STK33: variants seen among roughly 807,000 people sequenced by gnomAD.
The protein encoded by STK33 is serine/threonine kinase 33.
In STK33, 52 loss-of-function variants were observed where a neutral mutation model predicts 58.0. That is an observed-to-expected ratio of 0.90 (90% confidence interval 0.72 to 1.13). The LOEUF (loss-of-function observed/expected upper bound fraction) is 1.13. Among genes scored for constraint, STK33 ranks in the 50% most tolerant of loss-of-function variants. STK33 has a pLI of 0.00. For synonymous variants in STK33, 215 were observed against 200.1 expected, an observed-to-expected ratio of 1.07 and a Z score of -0.63; for missense variants, 630 against 604.2, an observed-to-expected ratio of 1.04 and a Z score of -0.45.
chr11:8,499,934 A>C (rs755667585), intron 1 of STK33, among the ~76,000 whole-genome samples: 1 of 151,458 alleles, frequency 6.6e-6, no homozygotes, highest in Non-Finnish European at 1.5e-5. Context: ...GTGGGGGGCT[A>C]GGGGAGGGAT....
intron 1 of STK33, among the ~76,000 whole-genome samples, chr11:8,556,437 C>G (rs1049165214): frequency 1.3e-5 from 2 of 152,164 alleles, no homozygotes. Flanking sequence ...CTGTCTTGCT[C>G]ATAGACTAGT....
At chr11:8,591,836 G>T (rs992413267) in intron 1 of STK33, among the ~76,000 whole-genome samples, 3 of 151,456 alleles carry the variant, frequency 2.0e-5, no homozygotes, top group Non-Finnish European at 2.9e-5. Context: ...GGACTGTTGT[G>T]GGGTGGGGGG....
At chr11:8,525,894 A>G (rs754187023) in intron 1 of STK33, among the ~76,000 whole-genome samples, 48 of 152,152 alleles carry the variant, frequency 3.2e-4, no homozygotes, top group Admixed American at 2.0e-3. Flanking sequence ...GAAATAAAAA[A>G]CTGCAAGGGG....
chr11:8,472,156 T>C (rs902603152), intron 6 of STK33, among the ~76,000 whole-genome samples: 1 of 152,176 alleles, frequency 6.6e-6, no homozygotes, highest in African/African-American at 2.4e-5. Context: ...CTCAAACTCT[T>C]GGCCTCAAGT....
chr11:8,373,275 G>A, the STK33 span, among the ~76,000 whole-genome samples: 1 of 152,204 alleles, frequency 6.6e-6, no homozygotes, highest in African/African-American at 2.4e-5. Context: ...GAGTCACAAG[G>A]CCAGCCCAGA....
At chr11:8,560,198 T>C (rs1057213286) in intron 1 of STK33, among the ~76,000 whole-genome samples, 2 of 152,164 alleles carry the variant, frequency 1.3e-5, no homozygotes, top group Non-Finnish European at 2.9e-5. Flanking sequence ...GCATTTATTA[T>C]TTTGATAAAT....
chr11:8,579,464 CAAT>C (rs1174265864), intron 1 of STK33, among the ~76,000 whole-genome samples: 2 of 151,778 alleles, frequency 1.3e-5, no homozygotes, highest in East Asian at 3.9e-4. Context: ...TTTTTTTCAA[CAAT>C]GATGAGGGAA....
chr11:8,496,578 ATT>A (rs796992204), intron 1 of STK33, among the ~76,000 whole-genome samples: 4 of 142,786 alleles, frequency 2.8e-5, no homozygotes, highest in Non-Finnish European at 3.1e-5. Context: ...GTGATATTTC[ATT>A]TTTTTTTTTT....
intron 15 of STK33, among the ~76,000 whole-genome samples, chr11:8,401,530 T>C (rs553744551): frequency 1.4e-4 from 21 of 152,224 alleles, no homozygotes; most frequent in African/African-American, 4.8e-4. Context: ...GAAGAAAACC[T>C]AGGCAATACC....
At chr11:8,397,603 C>G (rs938689865) in intron 15 of STK33, among the ~76,000 whole-genome samples, 1 of 152,154 alleles carries the variant, frequency 6.6e-6, no homozygotes, top group Admixed American at 6.5e-5. Context: ...CAGAACAAAG[C>G]TGGACGGAGA....
chr11:8,428,034 T>C (rs889505199), intron 14 of STK33, among the ~76,000 whole-genome samples: 2 of 152,126 alleles, frequency 1.3e-5, no homozygotes, highest in Non-Finnish European at 2.9e-5. Flanking sequence ...GGAAGAACCT[T>C]AGACACCAAA....
intron 14 of STK33, among the ~76,000 whole-genome samples, chr11:8,430,728 T>A (rs547989234): frequency 1.2e-4 from 18 of 152,280 alleles, no homozygotes; most frequent in African/African-American, 4.3e-4. Context: ...GCAGGGACCA[T>A]GCCAGACTGA....
rs201658119 is a variant in STK33, at chr11:8,457,414, C to A, written c.624G>T (p.Gly208=). The A allele has an allele frequency of 3.1e-6, 5 of 1,607,726 alleles. No homozygotes were observed. Among genetic ancestry groups the A allele is most frequent in the Non-Finnish European group, 4.3e-6 (5 of 1,175,708 alleles). The stretch of plus-strand genomic sequence containing the variant: ...ACCTTGTCTCATTCTCTGAGAAATG[C>A]CCTTTCCTATCCAGAATTTCTTTGA... ...GELKEILDRK[G]HFSENETRWI... Residue 208 remains glycine, a synonymous_variant, in exon 9 of 16, where the codon GGG becomes GGT. Transcript: ENST00000687296.
the STK33 span, among the ~76,000 whole-genome samples, chr11:8,337,508 T>C: frequency 5.9e-5 from 9 of 152,048 alleles, no homozygotes; most frequent in Non-Finnish European, 1.3e-4. Context: ...CAACCCTGCC[T>C]GAGAGCCAGC....
rs116520683 is a variant in STK33 at position 8,556,693 on chromosome 11, A to G, written c.-466+37390T>C. Among the ~76,000 whole-genome samples the G allele has an allele frequency of 6.3e-3, 952 of 152,284 alleles. 10 individuals are homozygous for G. Among genetic ancestry groups the G allele is most frequent in the African/African-American group, 0.022 (903 of 41,560 alleles). The stretch of plus-strand genomic sequence containing the variant: ...TTCTTCATAGCACTTATCACAGTTT[A>G]TAAGTATATATTTTGGTCACTAATT... On this transcript the variant is annotated intron_variant, in intron 1 of 15. Transcript: ENST00000687296.
At chr11:8,548,772 T>C (rs1956115459) in intron 1 of STK33, among the ~76,000 whole-genome samples, 7 of 152,054 alleles carry the variant, frequency 4.6e-5, no homozygotes. Context: ...TGTGTCCTCT[T>C]TGATTTCTTT....
chr11:8,374,775 GCAAA>G, the STK33 span, among the ~76,000 whole-genome samples: 4 of 152,178 alleles, frequency 2.6e-5, no homozygotes, highest in African/African-American at 9.7e-5. Context: ...AGGTCACACT[GCAAA>G]CAGAGTGTTT....
the STK33 span, among the ~76,000 whole-genome samples, chr11:8,370,000 G>A: frequency 6.6e-6 from 1 of 152,196 alleles, no homozygotes; most frequent in Non-Finnish European, 1.5e-5. Flanking sequence ...CTGAGTCTCT[G>A]TCTCAGGCCC....
chr11:8,367,628 C>G, the STK33 span, among the ~76,000 whole-genome samples: 1 of 152,194 alleles, frequency 6.6e-6, no homozygotes, highest in Non-Finnish European at 1.5e-5. Context: ...TTTTCAAACA[C>G]AATGATTGTT....
Sources: allele counts gnomAD v4.1 joint callset (sites outside exome capture counted in the v4.1 genomes callset), GRCh38; gene constraint gnomAD v4.1.1; transcripts MANE v1.5; gene names NCBI Gene and HGNC (gene_info 2026-07-23, HGNC 2026-07-21).